RAB38: variants seen among roughly 807,000 people sequenced by gnomAD.
RAB38 encodes RAB38, member RAS oncogene family.
In RAB38, 15 loss-of-function variants were observed where a neutral mutation model predicts 18.4. The observed-to-expected ratio is 0.82, with a 90% CI of 0.55 to 1.26. RAB38 has a LOEUF of 1.26. Ranked by LOEUF, RAB38 falls within the 50% of genes most tolerant of loss-of-function variation. The probability of loss-of-function intolerance (pLI) is 0.00; values close to 1 mark genes in which losing one functional copy is unlikely to be tolerated. For missense variants in RAB38, 294 were observed against 267.4 expected, an observed-to-expected ratio of 1.10 and a Z score of -0.69; for synonymous variants, 101 against 104.4, an observed-to-expected ratio of 0.97 and a Z score of 0.20.
the RAB38 span, among the ~76,000 whole-genome samples, chr11:88,076,174 A>T: frequency 6.6e-6 from 1 of 151,970 alleles, no homozygotes; most frequent in Non-Finnish European, 1.5e-5. Context: ...GCATCATTAA[A>T]GACTACTACA....
the RAB38 span, among the ~76,000 whole-genome samples, chr11:87,846,938 C>A: frequency 5.9e-5 from 9 of 151,936 alleles, no homozygotes; most frequent in African/African-American, 2.2e-4. Context: ...CATGGGTCAA[C>A]GCCCAATTAC....
At chr11:87,863,058 A>T in the RAB38 span, among the ~76,000 whole-genome samples, 1 of 151,880 alleles carries the variant, frequency 6.6e-6, no homozygotes, top group Non-Finnish European at 1.5e-5. Flanking sequence ...TGTCTTGAAC[A>T]TAGCCTGGTG....
the RAB38 span, among the ~76,000 whole-genome samples, chr11:88,060,680 G>T: frequency 1.3e-5 from 2 of 152,064 alleles, no homozygotes; most frequent in African/African-American, 4.8e-5. Flanking sequence ...TTTGTTGTTT[G>T]TATACCCTAT....
chr11:87,931,657 C>T, the RAB38 span, among the ~76,000 whole-genome samples: 1 of 152,036 alleles, frequency 6.6e-6, no homozygotes, highest in Non-Finnish European at 1.5e-5. Flanking sequence ...ATTTGGATTA[C>T]CCATAATATC....
chr11:87,882,055 C>T, the RAB38 span, among the ~76,000 whole-genome samples: 3 of 151,820 alleles, frequency 2.0e-5, no homozygotes, highest in Non-Finnish European at 4.4e-5. Context: ...GCCTTAGCTC[C>T]TTACCGGTCC....
the RAB38 span, among the ~76,000 whole-genome samples, chr11:87,924,080 T>A: frequency 6.6e-6 from 1 of 151,932 alleles, no homozygotes; most frequent in Non-Finnish European, 1.5e-5. Context: ...TTGGCATTGT[T>A]CTAAGTTCTT....
chr11:87,953,576 A>ATTATTATTTAT, the RAB38 span, among the ~76,000 whole-genome samples: 1 of 151,922 alleles, frequency 6.6e-6, no homozygotes, highest in Non-Finnish European at 1.5e-5. Context: ...TGTTTACATT[A>ATTATTATTTAT]TTATTATTTA....
At chr11:88,054,705 A>G in the RAB38 span, among the ~76,000 whole-genome samples, 1 of 152,278 alleles carries the variant, frequency 6.6e-6, no homozygotes, top group African/African-American at 2.4e-5. Flanking sequence ...TCAGGGTGAT[A>G]GATGTGCTTC....
At chr11:88,011,494 A>C in the RAB38 span, among the ~76,000 whole-genome samples, 1 of 152,168 alleles carries the variant, frequency 6.6e-6, no homozygotes, top group Non-Finnish European at 1.5e-5. Context: ...TGTAGTCCAA[A>C]CTCAAACATA....
chr11:87,939,655 C>A, the RAB38 span, among the ~76,000 whole-genome samples: 1 of 151,534 alleles, frequency 6.6e-6, no homozygotes, highest in East Asian at 1.9e-4. Context: ...CCCAGGAGTG[C>A]GAGAGCAGCC....
chr11:87,940,789 C>A, the RAB38 span, among the ~76,000 whole-genome samples: 1 of 151,884 alleles, frequency 6.6e-6, no homozygotes. Context: ...CACACCACTA[C>A]GTCTGGCTAA....
At chr11:87,977,845 TAA>T in the RAB38 span, among the ~76,000 whole-genome samples, 1 of 107,620 alleles carries the variant, frequency 9.3e-6, no homozygotes, top group East Asian at 2.8e-4. Flanking sequence ...TCATGTATAT[TAA>T]TGGATAGTAA....
chr11:87,854,093 C>T, the RAB38 span, among the ~76,000 whole-genome samples: 1 of 151,090 alleles, frequency 6.6e-6, no homozygotes, highest in African/African-American at 2.4e-5. Flanking sequence ...TATCCTATCT[C>T]CAAGTCCTCA....
intron 2 of RAB38, among the ~76,000 whole-genome samples, chr11:88,134,491 C>A (rs1565213001): frequency 6.6e-6 from 1 of 152,202 alleles, no homozygotes; most frequent in Non-Finnish European, 1.5e-5. Flanking sequence ...ATTCCCCTCA[C>A]CTCGGCCTCC....
the RAB38 span, among the ~76,000 whole-genome samples, chr11:87,936,709 C>CA: frequency 5.3e-5 from 8 of 151,970 alleles, no homozygotes; most frequent in Admixed American, 2.0e-4. Flanking sequence ...TCTATAACCA[C>CA]AAAAAATCTT....
chr11:88,139,399 CT>C (rs1419359614), intron 2 of RAB38, among the ~76,000 whole-genome samples: 1 of 152,106 alleles, frequency 6.6e-6, no homozygotes, highest in Non-Finnish European at 1.5e-5. Context: ...GGGGTAACAG[CT>C]TTTTCTTCAG....
intron 2 of RAB38, among the ~76,000 whole-genome samples, chr11:88,119,923 G>C (rs1057358600): frequency 2.6e-5 from 4 of 152,170 alleles, no homozygotes; most frequent in African/African-American, 4.8e-5. Flanking sequence ...TCCTTTCTCT[G>C]AGAAGATTTA....
chr11:88,063,245 T>C, the RAB38 span, among the ~76,000 whole-genome samples: 3 of 152,220 alleles, frequency 2.0e-5, no homozygotes, highest in Admixed American at 1.3e-4. Flanking sequence ...ACTAAGTTTT[T>C]GAGGTAATTG....
At chr11:88,066,785 C>A in the RAB38 span, among the ~76,000 whole-genome samples, 4 of 152,292 alleles carry the variant, frequency 2.6e-5, no homozygotes, top group East Asian at 7.7e-4. Flanking sequence ...CTCAATTTCT[C>A]ATCGAGGTAT....
Sources: gnomAD v4.1 joint callset for allele counts (sites outside exome capture counted in the v4.1 genomes callset) on GRCh38, gnomAD v4.1.1 for gene constraint, MANE v1.5 for transcripts, NCBI Gene and HGNC (gene_info 2026-07-23, HGNC 2026-07-21) for gene names.